The following AR variants were observed in gnomAD, a reference collection of about 807,000 sequenced individuals.
AR encodes androgen receptor, also known as dihydrotestosterone receptor.
Under a neutral mutation model 53.9 loss-of-function variants are expected in AR, and 8 were observed. The observed-to-expected ratio is 0.15, with a 90% CI of 0.09 to 0.27. AR has a LOEUF of 0.27. Among genes scored for constraint, AR ranks in the 10% least tolerant of loss-of-function variants. AR has a pLI of 1.00. For missense variants in AR, 639 were observed against 742.5 expected (o/e 0.86, Z 1.62); for synonymous variants, 359 against 316.4 (o/e 1.13, Z -1.43).
chrX:67,558,716 C>A (rs998536982), intron 1 of AR, among the ~76,000 whole-genome samples: 1 of 112,204 alleles, frequency 8.9e-6, no homozygotes, highest in African/African-American at 3.2e-5. Flanking sequence ...GGAGGTTGAT[C>A]TCCGACTGCT....
At chrX:67,695,690 C>T in intron 3 of AR, 1 of 752,544 alleles carries the variant, frequency 1.3e-6, no homozygotes, top group Non-Finnish European at 1.6e-6. Flanking sequence ...GAAGGACTCT[C>T]CCTGACTTGC....
chrX:67,714,857 G>A (rs983145511), intron 4 of AR, among the ~76,000 whole-genome samples: 4 of 111,587 alleles, frequency 3.6e-5, no homozygotes, highest in Non-Finnish European at 7.5e-5. Flanking sequence ...AACAGAGTCA[G>A]GTATTATAAT....
chrX:67,714,342 A>G (rs1481608154), intron 4 of AR, among the ~76,000 whole-genome samples: 1 of 112,093 alleles, frequency 8.9e-6, no homozygotes, highest in Non-Finnish European at 1.9e-5. Flanking sequence ...GTAGCCTGAA[A>G]CATAGTCAAT....
chrX:67,708,522 A>T (rs1465137172), intron 3 of AR, among the ~76,000 whole-genome samples: 3 of 111,148 alleles, frequency 2.7e-5, no homozygotes, highest in Non-Finnish European at 5.7e-5. Context: ...CTCTACATTG[A>T]TTATTCTAGT....
At chrX:67,594,809 C>T (rs1203164274) in intron 1 of AR, among the ~76,000 whole-genome samples, 2 of 110,973 alleles carry the variant, frequency 1.8e-5, no homozygotes, top group African/African-American at 6.6e-5. Flanking sequence ...ATTAGCTAGG[C>T]GTTGTGGTAC....
chrX:67,682,253 C>T (rs1008406178), intron 2 of AR, among the ~76,000 whole-genome samples: 6 of 111,129 alleles, frequency 5.4e-5, no homozygotes, highest in African/African-American at 2.0e-4. Flanking sequence ...ATAATAATCC[C>T]TGTTATACTT....
intron 1 of AR, chrX:67,569,172 A>C (rs1349385344): frequency 4.5e-6 from 1 of 221,930 alleles, no homozygotes; most frequent in African/African-American, 4.1e-5. Flanking sequence ...ATGTTGACTA[A>C]TTTGGGGCAG....
chrX:67,633,457 G>T (rs1307452221), intron 1 of AR, among the ~76,000 whole-genome samples: 2 of 111,995 alleles, frequency 1.8e-5, no homozygotes, highest in African/African-American at 3.2e-5. Context: ...TTGCTGCAAA[G>T]GACATGATCT....
chrX:67,720,889 C>A, intron 5 of AR, among the ~76,000 whole-genome samples: 1 of 110,788 alleles, frequency 9.0e-6, no homozygotes, highest in Non-Finnish European at 1.9e-5. Flanking sequence ...TACACACACA[C>A]ACACACACAC....
intron 1 of AR, among the ~76,000 whole-genome samples, chrX:67,627,824 G>C (rs1924778456): frequency 9.0e-6 from 1 of 111,726 alleles, no homozygotes; most frequent in Non-Finnish European, 1.9e-5. Context: ...TAAGGTGTAA[G>C]GAAGGGATCC....
chrX:67,676,918 T>C (rs910510919), intron 2 of AR, among the ~76,000 whole-genome samples: 21 of 111,491 alleles, frequency 1.9e-4, no homozygotes, highest in African/African-American at 6.9e-4. Context: ...ACATGTGGAC[T>C]CTCTGAAATT....
chrX:67,672,048 AG>A (rs1257916147), intron 2 of AR, among the ~76,000 whole-genome samples: 3 of 111,163 alleles, frequency 2.7e-5, no homozygotes, highest in African/African-American at 9.8e-5. Context: ...TGGTTTTCAA[AG>A]GGAATGCTTC....
At chrX:67,695,761 A>ACG (rs2076017076) in intron 3 of AR, 1 of 744,769 alleles carries the variant, frequency 1.3e-6, no homozygotes, top group Non-Finnish European at 1.6e-6. Flanking sequence ...ACACACACAC[A>ACG]CACACACACA....
At chrX:67,650,831 A>C (rs996082464) in intron 2 of AR, among the ~76,000 whole-genome samples, 24 of 111,654 alleles carry the variant, frequency 2.1e-4, no homozygotes, top group Non-Finnish European at 3.4e-4. Flanking sequence ...GTGACTACTG[A>C]GGCACTCCAG....
At chrX:67,630,058 C>A (rs759237972) in intron 1 of AR, among the ~76,000 whole-genome samples, 1 of 110,548 alleles carries the variant, frequency 9.0e-6, no homozygotes, top group Non-Finnish European at 1.9e-5. Context: ...TTACTTCCAA[C>A]TATGTGGTCA....
chrX:67,565,846 C>T (rs1204041), intron 1 of AR, among the ~76,000 whole-genome samples: 12,649 of 111,012 alleles, frequency 0.11, 1,821 homozygotes, highest in African/African-American at 0.4. Flanking sequence ...ACATGTGCTA[C>T]AATGCCTGGC....
At chrX:67,604,356 C>T (rs1280692545) in intron 1 of AR, among the ~76,000 whole-genome samples, 1 of 109,630 alleles carries the variant, frequency 9.1e-6, no homozygotes, top group East Asian at 2.9e-4. Context: ...AGGTGTTGAT[C>T]TGTTCCCTGG....
At chrX:67,572,659 GT>G (rs944145123) in intron 1 of AR, among the ~76,000 whole-genome samples, 2 of 110,790 alleles carry the variant, frequency 1.8e-5, no homozygotes, top group African/African-American at 6.6e-5. Context: ...TATCAATTCC[GT>G]TTTTTTCTGT....
intron 2 of AR, among the ~76,000 whole-genome samples, chrX:67,658,789 C>T (rs768320080): frequency 3.6e-5 from 4 of 111,978 alleles, no homozygotes; most frequent in Non-Finnish European, 7.5e-5. Context: ...CCAGCAGAGG[C>T]AGGAAAACTC....
Sources: gnomAD v4.1 joint callset for allele counts (sites outside exome capture counted in the v4.1 genomes callset) on GRCh38, gnomAD v4.1.1 for gene constraint, MANE v1.5 for transcripts, NCBI Gene and HGNC (gene_info 2026-07-23, HGNC 2026-07-21) for gene names.